EDNRA: variants seen among roughly 807,000 people sequenced by gnomAD.
The protein encoded by EDNRA is endothelin receptor type A.
Under a neutral mutation model 41.4 loss-of-function variants are expected in EDNRA, and 11 were observed. That is an observed-to-expected ratio of 0.27 (90% CI 0.17 to 0.44). The LOEUF (loss-of-function observed/expected upper bound fraction) is 0.44, where lower values mean the gene tolerates loss of function less well. Among genes scored for constraint, EDNRA ranks in the 20% least tolerant of loss-of-function variants. The pLI, the probability that EDNRA is intolerant of heterozygous loss-of-function variation, is 1.00. For synonymous variants in EDNRA, 172 were observed against 183.0 expected (o/e 0.94, Z 0.49); for missense variants, 294 against 531.0 (o/e 0.55, Z 4.39).
intron 2 of EDNRA, among the ~76,000 whole-genome samples, chr4:147,509,292 C>T (rs897492747): frequency 5.9e-5 from 9 of 152,160 alleles, no homozygotes; most frequent in South Asian, 2.1e-4. Flanking sequence ...TTTGGTGCCA[C>T]GGTCGTGATT....
At chr4:147,542,051 T>C (rs1731120365) in intron 7 of EDNRA, among the ~76,000 whole-genome samples, 1 of 152,084 alleles carries the variant, frequency 6.6e-6, no homozygotes, top group Non-Finnish European at 1.5e-5. Context: ...ATTCATAAAA[T>C]GGGGGAATAG....
chr4:147,489,992 C>CA (rs1269021747), intron 2 of EDNRA: 1 of 152,162 alleles, frequency 6.6e-6, no homozygotes, highest in Non-Finnish European at 1.5e-5. Flanking sequence ...ATAACATTCT[C>CA]AGAGAGACTG....
At chr4:147,504,530 T>C (rs1040746141) in intron 2 of EDNRA, among the ~76,000 whole-genome samples, 2 of 152,172 alleles carry the variant, frequency 1.3e-5, no homozygotes, top group Non-Finnish European at 2.9e-5. Context: ...ATATTAAAAA[T>C]TTGTAATTTC....
chr4:147,542,198 C>G (rs1361644335), intron 7 of EDNRA, among the ~76,000 whole-genome samples: 1 of 152,218 alleles, frequency 6.6e-6, no homozygotes, highest in Non-Finnish European at 1.5e-5. Flanking sequence ...CTGCCCCAAG[C>G]TGTGGAGAGC....
Position 147,517,550 on chromosome 4 carries a change from A to G in EDNRA, c.421-2301A>G, listed in dbSNP as rs561241924. 3.5e-4 allele frequency among the ~76,000 whole-genome samples: 53 copies of G among 152,352 alleles called. 1 individual carries two copies. The Middle Eastern group carries it at 0.02, about 59-fold the overall frequency. On this transcript the variant is annotated intron_variant, in intron 2 of 7. Coordinates refer to ENST00000651419, the MANE Select transcript of EDNRA (RefSeq NM_001957.4). Reference sequence around the variant, plus strand: ...CCCATACATCCTTTCAGAATGAAGGACATACAAGTTAGGGAAGTCTACACA... The same window carrying G: ...CCCATACATCCTTTCAGAATGAAGGGCATACAAGTTAGGGAAGTCTACACA...
At chr4:147,510,733 A>G (rs1368593119) in intron 2 of EDNRA, among the ~76,000 whole-genome samples, 1 of 152,242 alleles carries the variant, frequency 6.6e-6, no homozygotes, top group Non-Finnish European at 1.5e-5. Context: ...AGGCTTCAAT[A>G]TGTGGGATTC....
At chr4:147,506,123 A>C (rs1729707955) in intron 2 of EDNRA, 1 of 526,866 alleles carries the variant, frequency 1.9e-6, no homozygotes, top group Non-Finnish European at 3.8e-6. Flanking sequence ...AATGAGCTAA[A>C]GCCCCTGGAA....
At chr4:147,542,377 G>T in intron 7 of EDNRA, 101 bp from the exon 8 acceptor site, 1 of 1,519,964 alleles carries the variant, frequency 6.6e-7, no homozygotes, top group Non-Finnish European at 8.9e-7. Context: ...CCTCGAATGC[G>T]AATGGACATT....
chr4:147,490,150 C>CAA (rs1729089756), intron 2 of EDNRA: 1 of 28,160 alleles, frequency 3.6e-5, no homozygotes, highest in African/African-American at 1.4e-3. Context: ...CATACACTCA[C>CAA]ACACACACAC....
At chr4:147,495,257 G>A (rs566326480) in intron 2 of EDNRA, 24 of 152,248 alleles carry the variant, frequency 1.6e-4, no homozygotes, top group African/African-American at 5.1e-4. Context: ...CCAGCCTGCC[G>A]TACTGTTCTT....
At chr4:147,496,244 G>A (rs949703736) in intron 2 of EDNRA, among the ~76,000 whole-genome samples, 1 of 152,150 alleles carries the variant, frequency 6.6e-6, no homozygotes, top group Admixed American at 6.5e-5. Context: ...TTTGAAAGAA[G>A]ATTTAAATTT....
chr4:147,519,711 C>A lies in EDNRA; in HGVS notation c.421-140C>A, dbSNP rs1578801098. 1 of 979,416 alleles carries A rather than the reference C, an allele frequency of 1.0e-6. No homozygotes were observed. The highest frequency in any genetic ancestry group is 1.4e-6 in the Non-Finnish European group (1 of 706,304). 60.7% of individuals were successfully genotyped at this position (979,416 alleles called of 1,614,324 possible). ...AATACGAAAGAAAAAAATAACAATT[C>A]TAATACTCTTTTGCTACAGTGCTAA... is the stretch of plus-strand genomic sequence containing the variant. On this transcript the variant is annotated intron_variant, in intron 2 of 7. Coordinates refer to ENST00000651419, the MANE Select transcript of EDNRA (RefSeq NM_001957.4). This position sits in a 1 kb window ranked among gnomAD's most constrained non-coding sequence, Gnocchi z 4.1.
intron 3 of EDNRA, among the ~76,000 whole-genome samples, chr4:147,530,498 T>A (rs1223341930): frequency 1.3e-5 from 2 of 152,262 alleles, no homozygotes; most frequent in East Asian, 3.8e-4. Flanking sequence ...AGCTGTATTT[T>A]ATCCCATTTT....
chr4:147,539,073 G>A (rs1016178576), intron 5 of EDNRA, among the ~76,000 whole-genome samples: 1 of 152,000 alleles, frequency 6.6e-6, no homozygotes, highest in African/African-American at 2.4e-5. Context: ...CTTCCATGAA[G>A]TCCGTCCAAG....
intron 1 of EDNRA, among the ~76,000 whole-genome samples, chr4:147,481,749 C>A (rs1279242476): frequency 2.6e-5 from 4 of 152,346 alleles, no homozygotes; most frequent in South Asian, 4.1e-4. Context: ...TGCTCCAGCG[C>A]CTTCTTGTGA....
At chr4:147,539,682 T>TA in intron 5 of EDNRA, 135 bp from the exon 6 acceptor site, 2 of 1,005,106 alleles carry the variant, frequency 2.0e-6, no homozygotes, top group East Asian at 2.5e-5. Context: ...AGAGGCAGTG[T>TA]AAGCCAGGCT....
At chr4:147,513,143 G>A (rs1196317701) in intron 2 of EDNRA, among the ~76,000 whole-genome samples, 1 of 152,154 alleles carries the variant, frequency 6.6e-6, no homozygotes, top group African/African-American at 2.4e-5. Context: ...CAGGGCCCAC[G>A]CTCTGAGCTA....
intron 2 of EDNRA, among the ~76,000 whole-genome samples, chr4:147,511,035 T>C (rs1469562754): frequency 6.6e-6 from 1 of 152,214 alleles, no homozygotes; most frequent in Non-Finnish European, 1.5e-5. Flanking sequence ...CTAAATCTTC[T>C]AGATTTTTGA....
chr4:147,499,453 G>C lies in EDNRA; in HGVS notation c.420+13352G>C, dbSNP rs529012845. ...TGACATAAAGTAGGCTTATTCCTAA[G>C]CTGACAGCCAAATCAGTTACAACAA... On this transcript the variant is annotated intron_variant, in intron 2 of 7. Transcript: ENST00000651419. 3.9e-5 allele frequency among the ~76,000 whole-genome samples: 6 copies of C among 152,272 alleles called. No homozygotes were observed. In the East Asian group the frequency reaches 1.2e-3, roughly 29 times the overall value.
Sources: gnomAD v4.1 joint callset for allele counts (sites outside exome capture counted in the v4.1 genomes callset) on GRCh38, gnomAD v4.1.1 for gene constraint, Gnocchi (gnomAD v3.1) non-coding constraint, MANE v1.5 for transcripts, NCBI Gene and HGNC (gene_info 2026-07-23, HGNC 2026-07-21) for gene names.